SERINC5: variants seen among roughly 807,000 people sequenced by gnomAD.
SERINC5 encodes chromosome 5 open reading frame 12.
A neutral mutation model predicts 63.1 loss-of-function variants in SERINC5; 41 were observed. That is an observed-to-expected ratio of 0.65 (90% confidence interval 0.51 to 0.84). SERINC5 has a LOEUF of 0.84. Ranked by LOEUF, SERINC5 falls within the 40% of genes least tolerant of loss-of-function variation. The pLI is 0.00. For missense variants in SERINC5, 523 were observed against 573.0 expected, an observed-to-expected ratio of 0.91 and a Z score of 0.89; for synonymous variants, 222 against 215.2, an observed-to-expected ratio of 1.03 and a Z score of -0.28.
intron 11 of SERINC5, among the ~76,000 whole-genome samples, chr5:80,124,372 T>C (rs534040919): frequency 9.2e-5 from 14 of 152,338 alleles, no homozygotes; most frequent in African/African-American, 3.4e-4. Flanking sequence ...ACAAGGCTTT[T>C]CCACACCTCT....
intron 11 of SERINC5, among the ~76,000 whole-genome samples, chr5:80,126,342 T>G (rs1400498750): frequency 1.3e-5 from 2 of 152,200 alleles, no homozygotes; most frequent in African/African-American, 4.8e-5. Context: ...TGTACTAAAT[T>G]TGAAGTTCCC....
chr5:80,135,884 A>G (rs955100325), downstream of SERINC5, among the ~76,000 whole-genome samples: 1 of 151,498 alleles, frequency 6.6e-6, no homozygotes, highest in African/African-American at 2.4e-5. Context: ...AGCAGAGGGA[A>G]GAAAAAAAAA....
intron 2 of SERINC5, among the ~76,000 whole-genome samples, chr5:80,183,144 G>A (rs914876869): frequency 6.9e-6 from 1 of 145,314 alleles, no homozygotes; most frequent in African/African-American, 2.9e-5. Flanking sequence ...GGGAACAGGT[G>A]AAGAAGGTAA....
downstream of SERINC5, among the ~76,000 whole-genome samples, chr5:80,138,540 G>A (rs772720839): frequency 2.0e-5 from 3 of 151,720 alleles, no homozygotes; most frequent in Non-Finnish European, 4.4e-5. Context: ...TGGTTGCAGT[G>A]AGCCGAGATC....
chr5:80,129,839 C>T (rs1376535425), intron 11 of SERINC5, among the ~76,000 whole-genome samples: 5 of 152,058 alleles, frequency 3.3e-5, no homozygotes, highest in Non-Finnish European at 7.4e-5. Context: ...ATTGGAATTG[C>T]GAGGTCAGAA....
intron 11 of SERINC5, among the ~76,000 whole-genome samples, chr5:80,132,840 A>G (rs1407262875): frequency 1.3e-5 from 2 of 152,196 alleles, no homozygotes; most frequent in African/African-American, 4.8e-5. Flanking sequence ...AACATGAAAT[A>G]CTACTGGAAT....
chr5:80,214,329 G>A (rs1011640420), intron 1 of SERINC5, among the ~76,000 whole-genome samples: 1 of 152,136 alleles, frequency 6.6e-6, no homozygotes, highest in Non-Finnish European at 1.5e-5. Context: ...GAGTGACTAT[G>A]CTCTTCTGTA....
intron 2 of SERINC5, among the ~76,000 whole-genome samples, chr5:80,183,203 A>G (rs1275705110): frequency 6.6e-6 from 1 of 152,212 alleles, no homozygotes; most frequent in Non-Finnish European, 1.5e-5. Context: ...CACAATTGGC[A>G]GGAGAGCACA....
At chr5:80,174,678 C>T (rs1747906305) in intron 5 of SERINC5, among the ~76,000 whole-genome samples, 1 of 151,788 alleles carries the variant, frequency 6.6e-6, no homozygotes, top group Non-Finnish European at 1.5e-5. Flanking sequence ...CCGAGGTGGG[C>T]GGATCACGAG....
intron 8 of SERINC5, among the ~76,000 whole-genome samples, chr5:80,156,366 C>G (rs1746518883): frequency 6.6e-6 from 1 of 152,156 alleles, no homozygotes; most frequent in African/African-American, 2.4e-5. Context: ...TACAGCATTC[C>G]TTTTATTCCC....
chr5:80,224,133 C>CAAAA (rs33915521), intron 1 of SERINC5, among the ~76,000 whole-genome samples: 1 of 102,124 alleles, frequency 9.8e-6, no homozygotes, highest in Non-Finnish European at 1.9e-5. Context: ...AACTCCGTCT[C>CAAAA]AAAAAAAAAA....
chr5:80,222,436 G>A (rs528989746), intron 1 of SERINC5, among the ~76,000 whole-genome samples: 18 of 152,160 alleles, frequency 1.2e-4, no homozygotes, highest in African/African-American at 3.9e-4. Context: ...GTGATATGGT[G>A]GCCTCTGAAA....
chr5:80,239,658 G>C (rs939549678), intron 1 of SERINC5, among the ~76,000 whole-genome samples: 3 of 152,048 alleles, frequency 2.0e-5, no homozygotes, highest in Non-Finnish European at 4.4e-5. Context: ...AGGAGCCACA[G>C]ACCATGCCCA....
chr5:80,232,126 C>CA, intron 1 of SERINC5, among the ~76,000 whole-genome samples: 1 of 147,894 alleles, frequency 6.8e-6, no homozygotes, highest in African/African-American at 2.5e-5. Context: ...AAAAAAAGGC[C>CA]GGGCAAGGTG....
rs1748809111 is a variant in SERINC5, at chr5:80,186,371, CA to C, written c.196-8308del. Among the ~76,000 whole-genome samples, 5 of 152,192 alleles carry C rather than the reference CA, an allele frequency of 3.3e-5. No individual in the cohort carries two copies. In the South Asian group the frequency reaches 1.0e-3, roughly 32 times the overall value. On this transcript the variant is annotated intron_variant, in intron 2 of 11. Coordinates refer to ENST00000507668, the MANE Select transcript of SERINC5 (RefSeq NM_001174072.3). ...CAGGCTGGTCTCGAACTCCTGACCT[CA>C]GGTGATCCACCCGCCTCGGCCCCCT...
At chr5:80,137,641 T>A (rs1397351867), downstream of SERINC5, among the ~76,000 whole-genome samples, 175 of 30,928 alleles carry the variant, frequency 5.7e-3, 1 homozygote, top group African/African-American at 8.9e-3. Context: ...AGACTCTAAC[T>A]CAAAAAAAAA....
At position 80,156,421 on chromosome 5, in the gene SERINC5, C is replaced by G. The variant is rs542173080; in HGVS notation, c.986+2415G>C. On this transcript the variant is annotated intron_variant, in intron 8 of 11. Coordinates refer to ENST00000507668, the MANE Select transcript of SERINC5 (RefSeq NM_001174072.3). Reference sequence around the variant, plus strand: ...TTTAGTGTTCTTAAAGCTGACCCCTCGAAGAGCTGCAGTGAGTAATTACAG... The same window carrying G: ...TTTAGTGTTCTTAAAGCTGACCCCTGGAAGAGCTGCAGTGAGTAATTACAG... Among the ~76,000 whole-genome samples, 38 of 152,238 alleles carry G rather than the reference C, an allele frequency of 2.5e-4. No homozygotes were observed. The South Asian group carries it at 3.7e-3, about 15-fold the overall frequency.
chr5:80,124,717 C>T (rs755351158), intron 11 of SERINC5, among the ~76,000 whole-genome samples: 1 of 152,140 alleles, frequency 6.6e-6, no homozygotes. Context: ...ATGGACAGGG[C>T]CTGTGCTTAT....
At chr5:80,129,532 C>T (rs1170261454) in intron 11 of SERINC5, among the ~76,000 whole-genome samples, 1 of 152,184 alleles carries the variant, frequency 6.6e-6, no homozygotes. Context: ...TGGTCTTGAA[C>T]TCCTGGCCTC....
Sources: allele counts gnomAD v4.1 joint callset (sites outside exome capture counted in the v4.1 genomes callset), GRCh38; gene constraint gnomAD v4.1.1; transcripts MANE v1.5; gene names NCBI Gene and HGNC (gene_info 2026-07-23, HGNC 2026-07-21).